GRIN2A: variants seen among roughly 807,000 people sequenced by gnomAD.
GRIN2A encodes glutamate ionotropic receptor NMDA type subunit 2A.
GRIN2A carries 22 observed loss-of-function variants against 113.4 expected under a neutral mutation model. That is an observed-to-expected ratio of 0.19 (90% CI 0.14 to 0.28). GRIN2A has a LOEUF of 0.28. Ranked by LOEUF, GRIN2A falls within the 10% of genes least tolerant of loss-of-function variation. The pLI is 1.00. For synonymous variants in GRIN2A, 827 were observed against 738.4 expected (o/e 1.12, Z -1.94); for missense variants, 1,502 against 1,887.0 (o/e 0.80, Z 3.78).
At chr16:9,860,397 G>A (rs149564736) in intron 4 of GRIN2A, among the ~76,000 whole-genome samples, 26 of 133,742 alleles carry the variant, frequency 1.9e-4, no homozygotes, top group African/African-American at 7.6e-4. Context: ...GCAGTGAGCT[G>A]AGATTGCACC....
intron 2 of GRIN2A, among the ~76,000 whole-genome samples, chr16:10,059,794 G>C (rs1257741005): frequency 2.0e-5 from 3 of 151,956 alleles, no homozygotes; most frequent in Non-Finnish European, 2.9e-5. Flanking sequence ...AGAATGTTTG[G>C]GCATTATGTG....
rs150487431 is a variant in GRIN2A at position 9,764,118 on chromosome 16, G to T, written c.3426C>A (p.Pro1142=). ...PPQFVENVTL[P]ENVDFPDPYQ... is the part of the protein sequence containing the mutation. ...AGGGGTCCGGGAAGTCCACGTTCTC[G>T]GGCAGGGTCACATTTTCAACAAACT... The change falls in exon 13 of 13, where the codon CCC becomes CCA. Residue 1142 remains proline, a synonymous_variant. Coordinates refer to ENST00000330684, the MANE Select transcript of GRIN2A (RefSeq NM_001134407.3). 5 of 1,613,610 alleles carry T rather than the reference G, an allele frequency of 3.1e-6. No homozygotes were observed. Among genetic ancestry groups the T allele is most frequent in the African/African-American group, 1.3e-5 (1 of 74,888 alleles).
At chr16:9,935,220 G>T (rs2044685538) in intron 3 of GRIN2A, among the ~76,000 whole-genome samples, 1 of 152,054 alleles carries the variant, frequency 6.6e-6, no homozygotes, top group Non-Finnish European at 1.5e-5. Context: ...TATTCCAGCT[G>T]CAGGGCACAT....
intron 2 of GRIN2A, among the ~76,000 whole-genome samples, chr16:9,959,677 C>G (rs2045391640): frequency 6.6e-6 from 1 of 152,164 alleles, no homozygotes; most frequent in African/African-American, 2.4e-5. Flanking sequence ...TATTCGTGTA[C>G]TAATTAAAAA....
intron 2 of GRIN2A, among the ~76,000 whole-genome samples, chr16:9,979,762 T>C (rs2045851446): frequency 6.8e-6 from 1 of 147,730 alleles, no homozygotes; most frequent in Non-Finnish European, 1.5e-5. Flanking sequence ...TACAGTCCTA[T>C]ATACATATAA....
In GRIN2A at chr16:10,150,498, A is replaced by G. The variant is rs551929338; in HGVS notation, c.414+29500T>C. Among the ~76,000 whole-genome samples the G allele has an allele frequency of 3.3e-5, 5 of 152,292 alleles. No individual in the cohort carries two copies. The South Asian group carries it at 1.0e-3, about 32-fold the overall frequency. On this transcript the variant is annotated intron_variant, in intron 2 of 12. Coordinates refer to ENST00000330684, the MANE Select transcript of GRIN2A (RefSeq NM_001134407.3). Reference sequence around the variant, plus strand: ...TTGTTTTTAAAGTCTTTTCATGGCCAAGTCCCATGAGAGCTGCCCTCTCTC... The same window carrying G: ...TTGTTTTTAAAGTCTTTTCATGGCCGAGTCCCATGAGAGCTGCCCTCTCTC...
Position 9,811,914 on chromosome 16 carries a change from C to T in GRIN2A, c.2168+10350G>A, listed in dbSNP as rs187223333. ...GAATAGAAGAAATTCATTTCCTCCA[C>T]GCTCTTGCTCCACACATTCATTTAT... On this transcript the variant is annotated intron_variant, in intron 10 of 12. Coordinates refer to ENST00000330684, the MANE Select transcript of GRIN2A (RefSeq NM_001134407.3). Among the ~76,000 whole-genome samples, 34 of 152,292 alleles carry T rather than the reference C, an allele frequency of 2.2e-4. 1 individual carries two copies. Among genetic ancestry groups the T allele is most frequent in the African/African-American group, 4.1e-4 (17 of 41,558 alleles).
chr16:10,060,697 T>G (rs1281077369), intron 2 of GRIN2A, among the ~76,000 whole-genome samples: 2 of 152,204 alleles, frequency 1.3e-5, no homozygotes, highest in Admixed American at 1.3e-4. Flanking sequence ...AACTTACAGA[T>G]GAGGAAATTG....
rs1900547710 is a variant in GRIN2A at position 9,760,756 on chromosome 16, CA to C, written c.*2392del. The C allele has an allele frequency of 8.7e-6, 2 of 229,376 alleles. No homozygotes were observed. The highest frequency in any genetic ancestry group is 1.7e-5 in the Non-Finnish European group (2 of 115,716). The allele number at this position is 229,376 out of a possible 1,614,324, so 14.2% of individuals were successfully genotyped here. Reference sequence around the variant, plus strand: ...ACAGAAAGCCTCTTTGGCTTGACGACAAATCACTCTTCTGTATTCTGGGAAG... The same window carrying C: ...ACAGAAAGCCTCTTTGGCTTGACGACAATCACTCTTCTGTATTCTGGGAAG... On this transcript the variant is annotated 3_prime_UTR_variant, in exon 13 of 13. Transcript: ENST00000330684.
At chr16:10,118,150 C>G (rs1567311479) in intron 2 of GRIN2A, among the ~76,000 whole-genome samples, 1 of 152,182 alleles carries the variant, frequency 6.6e-6, no homozygotes, top group Non-Finnish European at 1.5e-5. Context: ...AAGACTGAGT[C>G]TGACAGAGGA....
chr16:9,776,849 C>T (rs936973216), intron 11 of GRIN2A, among the ~76,000 whole-genome samples: 3 of 152,084 alleles, frequency 2.0e-5, no homozygotes, highest in African/African-American at 7.2e-5. Context: ...AAATCTAGGG[C>T]ACAGATTCAT....
In GRIN2A at chr16:10,083,303, A is replaced by G. The variant is rs569267569; in HGVS notation, c.414+96695T>C. Among the ~76,000 whole-genome samples, 7 of 152,332 alleles carry G rather than the reference A, an allele frequency of 4.6e-5. No homozygotes were observed. The East Asian group carries it at 7.7e-4, about 17-fold the overall frequency. Reference sequence around the variant, plus strand: ...CCAACCGCAGACTCCACGAGTGCTTATGTACATGAGAAGACGTGTGTGGCC... The same window carrying G: ...CCAACCGCAGACTCCACGAGTGCTTGTGTACATGAGAAGACGTGTGTGGCC... On this transcript the variant is annotated intron_variant, in intron 2 of 12. Transcript: ENST00000330684.
chr16:10,176,746 G>GC (rs1596583291), intron 2 of GRIN2A, among the ~76,000 whole-genome samples: 1 of 151,944 alleles, frequency 6.6e-6, no homozygotes, highest in African/African-American at 2.4e-5. Flanking sequence ...TATACCTAAT[G>GC]TAAATGACGA....
intron 10 of GRIN2A, among the ~76,000 whole-genome samples, chr16:9,800,118 G>A (rs948842954): frequency 6.6e-6 from 1 of 151,990 alleles, no homozygotes; most frequent in African/African-American, 2.4e-5. Context: ...GGGATTACAG[G>A]TGCCTGCCAC....
At chr16:9,950,816 A>G (rs761762381) in intron 2 of GRIN2A, among the ~76,000 whole-genome samples, 1 of 152,202 alleles carries the variant, frequency 6.6e-6, no homozygotes, top group Non-Finnish European at 1.5e-5. Context: ...GTAAAACAGG[A>G]AAAGCAATTT....
At chr16:9,783,526 C>T (rs1162660641) in intron 11 of GRIN2A, among the ~76,000 whole-genome samples, 1 of 152,246 alleles carries the variant, frequency 6.6e-6, no homozygotes, top group African/African-American at 2.4e-5. Flanking sequence ...GTCTTCCATT[C>T]ATAGCCTACC....
intron 2 of GRIN2A, among the ~76,000 whole-genome samples, chr16:10,017,512 T>C (rs2141886453): frequency 6.6e-6 from 1 of 152,276 alleles, no homozygotes; most frequent in Middle Eastern, 3.4e-3. Context: ...CTATGTTAAT[T>C]GCAAGTCACT....
chr16:10,024,595 C>T (rs1180045319), intron 2 of GRIN2A, among the ~76,000 whole-genome samples: 3 of 152,228 alleles, frequency 2.0e-5, no homozygotes, highest in Non-Finnish European at 4.4e-5. Context: ...TCTCTGTCTC[C>T]CATTGCCGCT....
intron 3 of GRIN2A, among the ~76,000 whole-genome samples, chr16:9,909,772 G>C (rs755756596): frequency 8.5e-5 from 13 of 152,082 alleles, no homozygotes; most frequent in Non-Finnish European, 1.6e-4. Flanking sequence ...ATGTATATTG[G>C]AAAAATGGAA....
Sources: gnomAD v4.1 joint callset for allele counts (sites outside exome capture counted in the v4.1 genomes callset) on GRCh38, gnomAD v4.1.1 for gene constraint, MANE v1.5 for transcripts, NCBI Gene and HGNC (gene_info 2026-07-23, HGNC 2026-07-21) for gene names.